ZUP1: variants seen among roughly 807,000 people sequenced by gnomAD.
ZUP1 encodes zinc finger containing ubiquitin peptidase 1, also known as zinc finger-containing ubiquitin peptidase 1.
Under a neutral mutation model 68.1 loss-of-function variants are expected in ZUP1, and 55 were observed. The ratio of observed to expected loss-of-function variants is 0.81; its 90% CI spans 0.65 to 1.01. The LOEUF is 1.01. ZUP1 is among the 50% of genes least tolerant of loss of function. The pLI, the probability that ZUP1 is intolerant of heterozygous loss-of-function variation, is 0.00. For missense variants in ZUP1, 684 were observed against 674.9 expected, an observed-to-expected ratio of 1.01 and a Z score of -0.15; for synonymous variants, 223 against 221.5, an observed-to-expected ratio of 1.01 and a Z score of -0.06.
chr6:116,646,504 T>C (rs538473919), intron 8 of ZUP1, among the ~76,000 whole-genome samples: 18 of 152,342 alleles, frequency 1.2e-4, no homozygotes, highest in Admixed American at 8.5e-4. Flanking sequence ...TTGGAACTTA[T>C]ATTCTAATAG....
chr6:116,638,263 T>C (rs1775964499), intron 9 of ZUP1, among the ~76,000 whole-genome samples: 1 of 152,242 alleles, frequency 6.6e-6, no homozygotes, highest in Non-Finnish European at 1.5e-5. Flanking sequence ...TGGAGCTTTT[T>C]TTTCTTAATT....
At chr6:116,661,890 A>C (rs757418689) in intron 2 of ZUP1, among the ~76,000 whole-genome samples, 1 of 152,210 alleles carries the variant, frequency 6.6e-6, no homozygotes, top group Non-Finnish European at 1.5e-5. Flanking sequence ...CAGCTAAGAA[A>C]TCTACAAACT....
chr6:116,641,276 T>C (rs1394887868), intron 9 of ZUP1, among the ~76,000 whole-genome samples: 1 of 152,040 alleles, frequency 6.6e-6, no homozygotes. Context: ...ATTAGACAGA[T>C]CAACGAGACA....
rs1256605623 is a variant in ZUP1, at chr6:116,658,923, G to A, written c.672C>T (p.Gly224=). Residue 224 remains glycine (G), a splice_region_variant and synonymous_variant, in exon 4 of 10, where the codon GGC becomes GGT. Transcript: ENST00000368576. ...LHLEENSFQQ[G]MDRVQCSGDL... ...CACCAGAACACTGGACTCTATCCAT[G>A]CCTGTTAGGTATTGTTAATGTTCAG... 1.2e-6 allele frequency: 2 copies of A among 1,604,382 alleles called. No homozygotes were observed. The highest frequency in any genetic ancestry group is 3.4e-5 in the Admixed American group (2 of 58,320).
chr6:116,637,717 C>T (rs1775944682), intron 9 of ZUP1, among the ~76,000 whole-genome samples: 1 of 152,154 alleles, frequency 6.6e-6, no homozygotes, highest in Non-Finnish European at 1.5e-5. Flanking sequence ...TGGTATTTTA[C>T]AATAATTGAA....
intron 7 of ZUP1, among the ~76,000 whole-genome samples, chr6:116,648,947 G>T (rs1583368253): frequency 6.6e-6 from 1 of 150,970 alleles, no homozygotes; most frequent in East Asian, 1.9e-4. Context: ...TCTGGTCTGG[G>T]TGACAGACTG....
intron 5 of ZUP1, among the ~76,000 whole-genome samples, chr6:116,655,352 C>A (rs1360860047): frequency 6.6e-6 from 1 of 152,084 alleles, no homozygotes; most frequent in African/African-American, 2.4e-5. Flanking sequence ...TATATATAAA[C>A]ACCTGCAAAA....
At chr6:116,665,569 CTTTTTTTTTTT>C (rs753039436) in intron 2 of ZUP1, among the ~76,000 whole-genome samples, 14 of 111,568 alleles carry the variant, frequency 1.3e-4, no homozygotes, top group Middle Eastern at 4.8e-3. Flanking sequence ...AAAAATTTTT[CTTTTTTTTTTT>C]TTTTTTTTTG....
chr6:116,661,050 T>G (rs1776823284), intron 2 of ZUP1, among the ~76,000 whole-genome samples: 1 of 151,970 alleles, frequency 6.6e-6, no homozygotes, highest in Non-Finnish European at 1.5e-5. Flanking sequence ...AGCTAATTTT[T>G]TTTTTTTTAG....
Position 116,645,736 on chromosome 6 carries a change from G to C in ZUP1, c.1667C>G (p.Ala556Gly), listed in dbSNP as rs753097561. Residue 556 changes from alanine (A) to glycine (G), a missense_variant, in exon 9 of 10, where the codon GCT (alanine) becomes GGT (glycine). Transcript: ENST00000368576. ...KQYQILAVEG[A>G]LSLEEKLARR... ...TACAAGTTTCTCCTCTAGAGAAAGA[G>C]CACCCTCTACTGCCAATATCTGGTA... 2 of 1,612,152 alleles carry C rather than the reference G, an allele frequency of 1.2e-6. No homozygotes were observed. The highest frequency in any genetic ancestry group is 1.7e-6 in the Non-Finnish European group (2 of 1,179,458).
intron 2 of ZUP1, among the ~76,000 whole-genome samples, chr6:116,664,758 A>G (rs969812028): frequency 4.6e-5 from 7 of 152,122 alleles, no homozygotes; most frequent in African/African-American, 1.7e-4. Context: ...CCACACAGAT[A>G]TGAAAATGTA....
Position 116,645,454 on chromosome 6 carries a change from G to T in ZUP1, c.1689+260C>A, listed in dbSNP as rs569491745. 9.2e-5 allele frequency among the ~76,000 whole-genome samples: 14 copies of T among 151,892 alleles called. No individual in the cohort carries two copies. The South Asian group carries it at 2.9e-3, about 32-fold the overall frequency. ...AAATTAGCCAGGTGTGGTGGCATGT[G>T]CCTGTAGTCCCAGCTACTTGGGAGG... is the stretch of plus-strand genomic sequence containing the variant. On this transcript the variant is annotated intron_variant, in intron 9 of 9. Coordinates refer to ENST00000368576, the MANE Select transcript of ZUP1 (RefSeq NM_145062.3).
chr6:116,639,517 G>A (rs1438116834), intron 9 of ZUP1, among the ~76,000 whole-genome samples: 1 of 152,210 alleles, frequency 6.6e-6, no homozygotes, highest in African/African-American at 2.4e-5. Context: ...TCAGACAGCA[G>A]CATTCGCGGT....
rs555877711 is a variant in ZUP1, at chr6:116,639,187, G to A, written c.1690-3308C>T. Among the ~76,000 whole-genome samples the A allele has an allele frequency of 7.3e-3, 1,112 of 152,364 alleles. 18 individuals are homozygous for A. The highest frequency in any genetic ancestry group is 0.024 in the African/African-American group (985 of 41,584). ...CTTAGGTAAACAAAGCAGCCGGGAA[G>A]CTCGAACTGGGTGGAGCCCACCACA... On this transcript the variant is annotated intron_variant, in intron 9 of 9. Transcript: ENST00000368576.
chr6:116,665,417 A>G (rs1043117011), intron 2 of ZUP1, among the ~76,000 whole-genome samples: 1 of 152,130 alleles, frequency 6.6e-6, no homozygotes, highest in African/African-American at 2.4e-5. Flanking sequence ...TGAAAGAAGA[A>G]ATTGTCAAGT....
intron 2 of ZUP1, among the ~76,000 whole-genome samples, chr6:116,663,295 A>G (rs1035262621): frequency 3.3e-5 from 5 of 152,154 alleles, no homozygotes; most frequent in African/African-American, 1.2e-4. Context: ...GATTCCACAT[A>G]TCTTCTCTAT....
chr6:116,656,018 T>C (rs578203626), intron 5 of ZUP1, among the ~76,000 whole-genome samples: 1 of 152,314 alleles, frequency 6.6e-6, no homozygotes, highest in African/African-American at 2.4e-5. Context: ...AATAATATCA[T>C]GGATACACTG....
chr6:116,648,665 C>A (rs1169714343), intron 7 of ZUP1, among the ~76,000 whole-genome samples: 3 of 151,908 alleles, frequency 2.0e-5, no homozygotes, highest in African/African-American at 7.3e-5. Flanking sequence ...AAGAAAGAAG[C>A]TGGACAAAAA....
Position 116,652,016 on chromosome 6 carries a change from C to T in ZUP1, c.1138G>A (p.Asp380Asn), listed in dbSNP as rs374013605. 1.7e-5 allele frequency: 28 copies of T among 1,613,526 alleles called. No individual in the cohort carries two copies. Among genetic ancestry groups the T allele is most frequent in the East Asian group, 4.5e-5 (2 of 44,870 alleles). ...AGATTTCACATACCTTTTAAGCAAT[C>T]GTTGTAAGCATCATTTTGTAATAAT... ...SSLLQNDAYN[D>N]CLKGMLIPCI... Residue 380 changes from aspartate to asparagine, a missense_variant, in exon 6 of 10, where the codon GAT becomes AAT. Coordinates refer to ENST00000368576, the MANE Select transcript of ZUP1 (RefSeq NM_145062.3).
Sources: gnomAD v4.1 joint callset for allele counts (sites outside exome capture counted in the v4.1 genomes callset) on GRCh38, gnomAD v4.1.1 for gene constraint, MANE v1.5 for transcripts, NCBI Gene and HGNC (gene_info 2026-07-23, HGNC 2026-07-21) for gene names.